AKAP8: variants seen among roughly 807,000 people sequenced by gnomAD.
The protein encoded by AKAP8 is A-kinase anchoring protein 8.
A neutral mutation model predicts 67.5 loss-of-function variants in AKAP8; 24 were observed. The ratio of observed to expected loss-of-function variants is 0.36; its 90% confidence interval spans 0.26 to 0.50. The LOEUF (loss-of-function observed/expected upper bound fraction) is 0.50, where lower values mean the gene tolerates loss of function less well. Among genes scored for constraint, AKAP8 ranks in the 20% least tolerant of loss-of-function variants. The probability of loss-of-function intolerance (pLI) is 0.97; values close to 1 mark genes in which losing one functional copy is unlikely to be tolerated. For synonymous variants in AKAP8, 400 were observed against 371.1 expected (o/e 1.08, Z -0.90); for missense variants, 971 against 955.9 (o/e 1.02, Z -0.21).
In AKAP8 at chr19:15,377,060, G is replaced by A. The variant is rs372713340; in HGVS notation, c.20-46C>T. 83 of 1,599,672 alleles carry A rather than the reference G, an allele frequency of 5.2e-5. No individual in the cohort carries two copies. In the African/African-American group the frequency reaches 9.9e-4, roughly 19 times the overall value. ...TTAAAATTCTATTTGTCACACCAGA[G>A]AACGGGTCCTTTTGGGGGTACTCCT... On this transcript the variant is annotated intron_variant, in intron 1 of 13. Transcript: ENST00000269701.
intron 9 of AKAP8, among the ~76,000 whole-genome samples, chr19:15,367,417 A>G (rs1967088279): frequency 6.6e-6 from 1 of 152,042 alleles, no homozygotes; most frequent in African/African-American, 2.4e-5. Context: ...AATCCCAGCT[A>G]CTCGGGAGGC....
chr19:15,362,591 C>A (rs1311528258), intron 9 of AKAP8, among the ~76,000 whole-genome samples: 46 of 150,882 alleles, frequency 3.0e-4, no homozygotes, highest in Middle Eastern at 6.9e-3. Context: ...AGCTCCTAAC[C>A]GCGAGTGATC....
At chr19:15,363,843 G>C (rs1018167252) in intron 9 of AKAP8, among the ~76,000 whole-genome samples, 1 of 151,734 alleles carries the variant, frequency 6.6e-6, no homozygotes, top group Non-Finnish European at 1.5e-5. Flanking sequence ...GGATCCTGTT[G>C]ATCTGTGACC....
chr19:15,355,034 C>T lies in AKAP8; in HGVS notation c.1960G>A (p.Glu654Lys), dbSNP rs145418809. 29 of 1,614,018 alleles carry T rather than the reference C, an allele frequency of 1.8e-5. No individual in the cohort carries two copies. In the African/African-American group the frequency reaches 2.7e-4, roughly 15 times the overall value. ...SEAAEAGNGA[E>K]TMAAEAESAQ... ...CTTTCTGCCTCTGCTGCCATTGTCT[C>T]GGCGCCATTTCCAGCCTCTGCAGCC... The change falls in exon 14 of 14, where the codon GAG (glutamate) becomes AAG (lysine). Residue 654 changes from glutamate (E) to lysine (K), a missense_variant. Physicochemically the swap from Glu to Lys is moderately conservative, Grantham distance 56 (BLOSUM62 1). Coordinates refer to ENST00000269701, the MANE Select transcript of AKAP8 (RefSeq NM_005858.4).
intron 2 of AKAP8, 39 bp from the exon 3 acceptor site, chr19:15,374,674 G>A (rs781564680): frequency 2.5e-6 from 4 of 1,611,772 alleles, no homozygotes; most frequent in Non-Finnish European, 3.4e-6. Flanking sequence ...CCTGTTTGCA[G>A]AACGAAGGCA....
In AKAP8 at chr19:15,371,980, A is replaced by T. The variant is rs770882953; in HGVS notation, c.1010T>A (p.Phe337Tyr). 1 of 1,614,134 alleles carries T rather than the reference A, an allele frequency of 6.2e-7. No homozygotes were observed. The highest frequency in any genetic ancestry group is 1.7e-5 in the Admixed American group (1 of 60,000). The part of the protein sequence containing the change: ...FSENDDAAGD[F>Y]RSGDEEFKGE... ...CTTGAATTCTTCATCTCCTGAGCGG[A>T]AGTCACCAGCTGCGTCATCTGCCAG... Residue 337 changes from phenylalanine (F) to tyrosine (Y), a missense_variant, in exon 7 of 14, where the codon TTC becomes TAC. This residue lies in a region of AKAP8 where 763 missense variants were observed against 745.4 expected (regional missense o/e 1.02). Transcript: ENST00000269701.
At chr19:15,362,077 G>C (rs756913921) in intron 10 of AKAP8, 33 bp downstream of exon 10, 2 of 1,611,582 alleles carry the variant, frequency 1.2e-6, no homozygotes, top group Non-Finnish European at 1.7e-6. Flanking sequence ...GGATGGGCAA[G>C]AGACGCGGTG....
intron 13 of AKAP8, among the ~76,000 whole-genome samples, chr19:15,357,766 T>C (rs1966904067): frequency 6.9e-6 from 1 of 144,244 alleles, no homozygotes; most frequent in African/African-American, 2.6e-5. Context: ...CAGGCTGGAG[T>C]GCAGTGGCAC....
rs546421410 is a variant in AKAP8, at chr19:15,368,756, T to G, written c.1073-434A>C. The G allele has an allele frequency of 5.0e-4, 491 of 985,346 alleles. 5 individuals are homozygous for G. In the South Asian group the frequency reaches 0.014, roughly 28 times the overall value. The allele number at this position is 985,346 out of a possible 1,614,324, so 61.0% of individuals were successfully genotyped here. A position where few individuals can be genotyped will look rare whatever the true frequency, so the allele number is the denominator to read the frequency against. On this transcript the variant is annotated intron_variant, in intron 8 of 13. Coordinates refer to ENST00000269701, the MANE Select transcript of AKAP8 (RefSeq NM_005858.4). ...GAAGCAGCTGCTCCGCCGCCCTCTA[T>G]CCCACCTCTAGGTGGACTGTGACGA...
intron 9 of AKAP8, among the ~76,000 whole-genome samples, chr19:15,366,154 G>GAAAAAAAAAAAA (rs374068497): frequency 1.1e-5 from 1 of 95,028 alleles, no homozygotes; most frequent in African/African-American, 4.3e-5. Context: ...AAAGCAAAAA[G>GAAAAAAAAAAAA]AAAAAAAAAA....
intron 9 of AKAP8, among the ~76,000 whole-genome samples, chr19:15,364,733 C>A (rs963966502): frequency 6.6e-6 from 1 of 151,774 alleles, no homozygotes; most frequent in Non-Finnish European, 1.5e-5. Flanking sequence ...AGGTGATCCA[C>A]CTGCCTTAGC....
rs1199316495 is a variant in AKAP8, at chr19:15,369,037, T to C, written c.1073-715A>G. ...GCCAGGGACGGACGCTGAAAAAAGG[T>C]TGGAGAAGCATCTGAACTGTAACCC... is the stretch of plus-strand genomic sequence containing the variant. On this transcript the variant is annotated intron_variant, in intron 8 of 13. Coordinates refer to ENST00000269701, the MANE Select transcript of AKAP8 (RefSeq NM_005858.4). This position sits in a 1 kb window ranked among gnomAD's most constrained non-coding sequence, Gnocchi z 4.6. 2.0e-6 allele frequency: 2 copies of C among 985,438 alleles called. No homozygotes were observed. Among genetic ancestry groups the C allele is most frequent in the African/African-American group, 1.7e-5 (1 of 57,168 alleles). The allele number at this position is 985,438 out of a possible 1,614,324, so 61.0% of individuals were successfully genotyped here.
chr19:15,357,484 T>G (rs1188504304), intron 13 of AKAP8, among the ~76,000 whole-genome samples: 6 of 147,212 alleles, frequency 4.1e-5, no homozygotes, highest in Non-Finnish European at 7.4e-5. Context: ...GGTGTACTAT[T>G]GCAGTCCCAG....
intron 6 of AKAP8, 41 bp from the exon 7 acceptor site, chr19:15,372,039 C>T (rs368709957): frequency 3.0e-5 from 49 of 1,613,024 alleles, no homozygotes; most frequent in South Asian, 4.4e-5. Flanking sequence ...CCCCGGAGAA[C>T]GGTCCCATCC....
intron 9 of AKAP8, 21 bp from the exon 10 acceptor site, chr19:15,362,272 G>C: frequency 6.2e-7 from 1 of 1,613,640 alleles, no homozygotes; most frequent in South Asian, 1.1e-5. Context: ...AAAACAAGGA[G>C]GGGAGTGAAG....
chr19:15,377,600 C>T (rs1320052736), intron 1 of AKAP8, among the ~76,000 whole-genome samples: 1 of 152,210 alleles, frequency 6.6e-6, no homozygotes, highest in African/African-American at 2.4e-5. Flanking sequence ...TCCCGAGTAG[C>T]TGGGACTACA....
At chr19:15,370,796 TA>T (rs1306981991) in intron 7 of AKAP8, among the ~76,000 whole-genome samples, 1 of 152,044 alleles carries the variant, frequency 6.6e-6, no homozygotes, top group Non-Finnish European at 1.5e-5. Flanking sequence ...CACATCCAGC[TA>T]ATTTTTGTAT....
intron 1 of AKAP8, chr19:15,379,298 C>G (rs1051005214): frequency 1.6e-5 from 3 of 187,300 alleles, no homozygotes; most frequent in Non-Finnish European, 3.3e-5. Context: ...ACCTCACAAC[C>G]CCACGCTGTA....
At position 15,362,166 on chromosome 19, in the gene AKAP8, C is replaced by G. The variant is rs1215099372; in HGVS notation, c.1246G>C (p.Glu416Gln). 5 of 1,613,994 alleles carry G rather than the reference C, an allele frequency of 3.1e-6. No individual in the cohort carries two copies. The highest frequency in any genetic ancestry group is 4.2e-6 in the Non-Finnish European group (5 of 1,180,028). ...QKHLQSKFHKETLRFISTKLP... is the reference protein window; with the variant it reads ...QKHLQSKFHKQTLRFISTKLP... ...TTGGTGCTTATGAACCGCAGGGTCT[C>G]TTTGTGAAATTTGCTTTGCAGATGC... Residue 416 changes from glutamate (E) to glutamine (Q), a missense_variant, in exon 10 of 14, where the codon GAG (glutamate) becomes CAG (glutamine). By Grantham distance (29) the Glu-to-Gln change is conservative. Around this residue, in one of 3 missense-constraint regions of AKAP8, gnomAD observed 763 missense variants for 745.4 expected, o/e 1.02. Coordinates refer to ENST00000269701, the MANE Select transcript of AKAP8 (RefSeq NM_005858.4).
Sources: gnomAD v4.1 joint callset for allele counts (sites outside exome capture counted in the v4.1 genomes callset) on GRCh38, gnomAD v4.1.1 for gene constraint, gnomAD v4.1.1 regional missense constraint, Gnocchi (gnomAD v3.1) non-coding constraint, MANE v1.5 for transcripts, NCBI Gene and HGNC (gene_info 2026-07-23, HGNC 2026-07-21) for gene names.